Variants in KIF26B observed in about 807,000 individuals in gnomAD.
The protein encoded by KIF26B is kinesin family member 26B, also known as kinesin-like protein KIF26B.
A neutral mutation model predicts 151.2 loss-of-function variants in KIF26B; 63 were observed. The ratio of observed to expected loss-of-function variants is 0.42; its 90% confidence interval spans 0.34 to 0.51. The LOEUF is 0.51. KIF26B is among the 20% of genes least tolerant of loss of function. KIF26B has a pLI of 0.07. For synonymous variants in KIF26B, 1,357 were observed against 1,262.1 expected (o/e 1.08, Z -1.59); for missense variants, 2,813 against 2,913.6 (o/e 0.97, Z 0.79).
At chr1:245,464,402 T>C (rs1659721523) in intron 4 of KIF26B, among the ~76,000 whole-genome samples, 3 of 149,678 alleles carry the variant, frequency 2.0e-5, no homozygotes, top group African/African-American at 7.4e-5. Flanking sequence ...TGTGGGTGTG[T>C]GCGTATGTGG....
At chr1:245,583,024 A>G (rs1164331610) in intron 5 of KIF26B, among the ~76,000 whole-genome samples, 1 of 151,548 alleles carries the variant, frequency 6.6e-6, no homozygotes, top group Non-Finnish European at 1.5e-5. Flanking sequence ...CAGCGTAACC[A>G]CCCCCTACTC....
rs550918881 is a variant in KIF26B at position 245,685,337 on chromosome 1, C to T, written c.2422-68C>T. 5.6e-3 allele frequency: 7,393 copies of T among 1,330,250 alleles called. 44 individuals are homozygous for T. The highest frequency in any genetic ancestry group is 7.0e-3 in the Non-Finnish European group (6,708 of 965,170). The allele number at this position is 1,330,250 out of a possible 1,614,324, so 82.4% of individuals were successfully genotyped here. ...CGTCAGGGGCCTTCACCACTTGCCG[C>T]GCACAGCTGGGCTCCCGGGGAAACT... On this transcript the variant is annotated intron_variant, in intron 11 of 14. Coordinates refer to ENST00000407071, the MANE Select transcript of KIF26B (RefSeq NM_018012.4).
At chr1:245,278,882 T>C (rs1670985523) in intron 2 of KIF26B, among the ~76,000 whole-genome samples, 1 of 152,172 alleles carries the variant, frequency 6.6e-6, no homozygotes, top group African/African-American at 2.4e-5. Context: ...ATGGATGAAG[T>C]ACCAAGTAAC....
At chr1:245,672,424 C>T (rs2044299606) in intron 10 of KIF26B, among the ~76,000 whole-genome samples, 1 of 152,210 alleles carries the variant, frequency 6.6e-6, no homozygotes, top group Non-Finnish European at 1.5e-5. Flanking sequence ...ACAAATGCAT[C>T]CTCCCAAACC....
chr1:245,555,024 G>A (rs1260214918), intron 5 of KIF26B, among the ~76,000 whole-genome samples: 2 of 152,188 alleles, frequency 1.3e-5, no homozygotes, highest in Non-Finnish European at 2.9e-5. Context: ...CTTCCAGGCC[G>A]TGCTCTTCCA....
chr1:245,417,809 C>T (rs117233653), intron 3 of KIF26B, among the ~76,000 whole-genome samples: 5 of 152,368 alleles, frequency 3.3e-5, no homozygotes, highest in East Asian at 3.9e-4. Flanking sequence ...CGCGTTCCAG[C>T]GGCTGCTCTC....
At chr1:245,614,896 A>G (rs1292880572) in intron 9 of KIF26B, 1 of 74,466 alleles carries the variant, frequency 1.3e-5, no homozygotes, top group Admixed American at 1.4e-4. Flanking sequence ...TTAAAATCGG[A>G]TAGGGATGAG....
intron 5 of KIF26B, among the ~76,000 whole-genome samples, chr1:245,542,355 AAACTT>A (rs1190732359): frequency 6.6e-6 from 1 of 152,218 alleles, no homozygotes; most frequent in Non-Finnish European, 1.5e-5. Flanking sequence ...TATTTTTTGA[AAACTT>A]ACATTGAACA....
intron 2 of KIF26B, among the ~76,000 whole-genome samples, chr1:245,345,935 C>CT (rs773751148): frequency 0.019 from 2,312 of 123,624 alleles, 37 homozygotes; most frequent in African/African-American, 0.033. Flanking sequence ...TTCTTTCTTT[C>CT]TTTTTTTTTT....
chr1:245,361,044 C>T (rs568377423), intron 2 of KIF26B, among the ~76,000 whole-genome samples: 1 of 152,140 alleles, frequency 6.6e-6, no homozygotes, highest in Non-Finnish European at 1.5e-5. Context: ...CGAGAAATGC[C>T]TCACCCATTC....
In KIF26B at chr1:245,170,591, A is replaced by G. The variant is rs1668692696; in HGVS notation, c.465+13908A>G. 6.6e-6 allele frequency among the ~76,000 whole-genome samples: 1 copy of G among 152,214 alleles called. No individual in the cohort carries two copies. The highest frequency in any genetic ancestry group is 6.5e-5 in the Admixed American group (1 of 15,282). ...CTGGAGGCTGGGAATTCTGAGATCA[A>G]GGCCCCATCAGATTGAGTGTCTTGT... On this transcript the variant is annotated intron_variant, in intron 2 of 14. Coordinates refer to ENST00000407071, the MANE Select transcript of KIF26B (RefSeq NM_018012.4). The surrounding 1 kb of genome is among the most constrained non-coding windows in gnomAD (Gnocchi z 4.4).
At chr1:245,191,059 C>CAA (rs55993346) in intron 2 of KIF26B, among the ~76,000 whole-genome samples, 28 of 52,070 alleles carry the variant, frequency 5.4e-4, no homozygotes, top group Non-Finnish European at 5.7e-4. Context: ...GACTCTGTCT[C>CAA]AAAAAAAAAA....
At chr1:245,514,186 T>A (rs975252483) in intron 4 of KIF26B, among the ~76,000 whole-genome samples, 3 of 152,208 alleles carry the variant, frequency 2.0e-5, no homozygotes, top group African/African-American at 7.2e-5. Context: ...TTTAAAACAA[T>A]GTGTTGTACA....
chr1:245,640,122 G>GCTCTCTCTCTCTCTCT (rs376565844), intron 9 of KIF26B, among the ~76,000 whole-genome samples: 693 of 53,802 alleles, frequency 0.013, 106 homozygotes, highest in African/African-American at 0.034. Context: ...ACTAATATTT[G>GCTCTCTCTCTCTCTCT]CTCTCTCTCT....
intron 2 of KIF26B, among the ~76,000 whole-genome samples, chr1:245,210,879 G>C (rs1241556884): frequency 6.6e-6 from 1 of 152,088 alleles, no homozygotes; most frequent in Non-Finnish European, 1.5e-5. Context: ...CTAGACATAG[G>C]AAGCCCTTTC....
Position 245,276,777 on chromosome 1 carries a change from A to G in KIF26B, c.466-90057A>G, listed in dbSNP as rs565588494. Among the ~76,000 whole-genome samples the G allele has an allele frequency of 2.6e-5, 4 of 152,268 alleles. No homozygotes were observed. The East Asian group carries it at 7.8e-4, about 30-fold the overall frequency. Reference sequence around the variant, plus strand: ...CTTAACTGGTTTCCGTATTTCTCACAAAGGGAAGTAGTCTATGTATTTTTG... The same window carrying G: ...CTTAACTGGTTTCCGTATTTCTCACGAAGGGAAGTAGTCTATGTATTTTTG... On this transcript the variant is annotated intron_variant, in intron 2 of 14. Coordinates refer to ENST00000407071, the MANE Select transcript of KIF26B (RefSeq NM_018012.4).
chr1:245,316,576 T>TC (rs1472108823), intron 2 of KIF26B, among the ~76,000 whole-genome samples: 1 of 152,162 alleles, frequency 6.6e-6, no homozygotes, highest in Admixed American at 6.5e-5. Context: ...TTATTTTTTT[T>TC]CTGATAGAAT....
intron 10 of KIF26B, among the ~76,000 whole-genome samples, chr1:245,660,713 A>C (rs549511389): frequency 6.6e-6 from 1 of 152,246 alleles, no homozygotes; most frequent in African/African-American, 2.4e-5. Context: ...TTGTTCTGTA[A>C]GCACCTACGT....
In KIF26B at chr1:245,210,722, G is replaced by T. The variant is rs12029871; in HGVS notation, c.465+54039G>T. Among the ~76,000 whole-genome samples the T allele has an allele frequency of 5.5e-3, 841 of 152,218 alleles. 34 individuals are homozygous for T. In the East Asian group the frequency reaches 0.13, roughly 24 times the overall value. ...GAGCCAGGGAGTCCCAGAGCCTGTG[G>T]TAGGCCCTGTCCTTGTGTGGGGAGA... On this transcript the variant is annotated intron_variant, in intron 2 of 14. Coordinates refer to ENST00000407071, the MANE Select transcript of KIF26B (RefSeq NM_018012.4).
Sources: gnomAD v4.1 joint callset for allele counts (sites outside exome capture counted in the v4.1 genomes callset) on GRCh38, gnomAD v4.1.1 for gene constraint, Gnocchi (gnomAD v3.1) non-coding constraint, MANE v1.5 for transcripts, NCBI Gene and HGNC (gene_info 2026-07-23, HGNC 2026-07-21) for gene names.